RAB8B: variants seen among roughly 807,000 people sequenced by gnomAD.
RAB8B encodes RAB8B, member RAS oncogene family, also known as ras-related protein Rab-8B.
Under a neutral mutation model 32.0 loss-of-function variants are expected in RAB8B, and 11 were observed. That is an observed-to-expected ratio of 0.34 (90% CI 0.22 to 0.57). The LOEUF is 0.57. Among genes scored for constraint, RAB8B ranks in the 20% least tolerant of loss-of-function variants. The pLI is 0.86. For synonymous variants in RAB8B, 103 were observed against 89.6 expected, an observed-to-expected ratio of 1.15 and a Z score of -0.85; for missense variants, 190 against 258.5, an observed-to-expected ratio of 0.73 and a Z score of 1.82.
At chr15:63,202,089 TAAAA>T (rs146981058) in intron 1 of RAB8B, among the ~76,000 whole-genome samples, 1,319 of 85,646 alleles carry the variant, frequency 0.015, 38 homozygotes, top group South Asian at 0.031. Flanking sequence ...CCGTCTCTAC[TAAAA>T]AAAAAAAAAA....
rs138589907 is a variant in RAB8B at position 63,259,665 on chromosome 15, C to T, written c.453C>T (p.Ser151=). Residue 151 remains serine, a synonymous_variant, in exon 6 of 8, where the codon AGC becomes AGT. Coordinates refer to ENST00000321437, the MANE Select transcript of RAB8B (RefSeq NM_016530.3). The surrounding 1 kb of genome is among the most constrained non-coding windows in gnomAD (Gnocchi z 4.4). ...IDYGIKFLET[S]AKSSANVEEA... is the part of the protein sequence containing the mutation. ...ATGGGATTAAATTCTTGGAGACAAG[C>T]GCAAAATCCAGTGCAAATGTAGAAG... The T allele has an allele frequency of 1.4e-4, 227 of 1,613,806 alleles. 1 individual carries two copies. The highest frequency in any genetic ancestry group is 1.7e-4 in the Non-Finnish European group (199 of 1,179,846).
At chr15:63,239,431 G>A (rs368811844) in intron 1 of RAB8B, among the ~76,000 whole-genome samples, 1 of 45,336 alleles carries the variant, frequency 2.2e-5, no homozygotes, top group African/African-American at 8.3e-5. Flanking sequence ...TTTTTTTTTT[G>A]AGACAGAGTC....
chr15:63,191,185 T>G (rs904938304), intron 1 of RAB8B, among the ~76,000 whole-genome samples: 4 of 152,336 alleles, frequency 2.6e-5, no homozygotes, highest in Admixed American at 2.6e-4. Flanking sequence ...TTTCGTATGG[T>G]TCTTACAGCA....
chr15:63,250,325 C>T (rs1259945898), intron 3 of RAB8B, among the ~76,000 whole-genome samples: 1 of 152,038 alleles, frequency 6.6e-6, no homozygotes, highest in East Asian at 1.9e-4. Context: ...AACCACAAGC[C>T]CTATGACTAA....
In RAB8B at chr15:63,214,739, T is replaced by C. The variant is rs539917289; in HGVS notation, c.124+24991T>C. The stretch of plus-strand genomic sequence containing the variant: ...GCAGCAGTTCATTTCTCTTTTTTAA[T>C]GTAACCCTTGAGCTGTGGGGGTTGA... On this transcript the variant is annotated intron_variant, in intron 1 of 7. Coordinates refer to ENST00000321437, the MANE Select transcript of RAB8B (RefSeq NM_016530.3). Among the ~76,000 whole-genome samples the C allele has an allele frequency of 3.9e-5, 6 of 152,342 alleles. No homozygotes were observed. The East Asian group carries it at 1.2e-3, about 29-fold the overall frequency.
intron 1 of RAB8B, among the ~76,000 whole-genome samples, chr15:63,222,008 C>A (rs949699118): frequency 5.3e-5 from 8 of 152,212 alleles, no homozygotes; most frequent in Non-Finnish European, 1.0e-4. Flanking sequence ...AATATTCATT[C>A]TTCCCTGTTT....
intron 1 of RAB8B, among the ~76,000 whole-genome samples, chr15:63,205,290 A>G (rs2037688826): frequency 2.0e-5 from 3 of 152,176 alleles, no homozygotes; most frequent in Admixed American, 2.0e-4. Flanking sequence ...ACAGAGTGAG[A>G]CTCCATCTGT....
chr15:63,210,091 A>G (rs1245069125), intron 1 of RAB8B, among the ~76,000 whole-genome samples: 3 of 152,240 alleles, frequency 2.0e-5, no homozygotes, highest in Non-Finnish European at 2.9e-5. Context: ...TAGACATCTC[A>G]GAGTAGGATT....
At chr15:63,257,716 G>A (rs1009364374) in intron 5 of RAB8B, among the ~76,000 whole-genome samples, 2 of 152,080 alleles carry the variant, frequency 1.3e-5, no homozygotes, top group African/African-American at 4.8e-5. Context: ...AGAAATCAAA[G>A]CATGAATACT....
At chr15:63,238,173 T>C (rs2037999231) in intron 1 of RAB8B, among the ~76,000 whole-genome samples, 1 of 152,066 alleles carries the variant, frequency 6.6e-6, no homozygotes, top group Non-Finnish European at 1.5e-5. Context: ...CTTTTTGACC[T>C]GAAGGATAAT....
intron 1 of RAB8B, among the ~76,000 whole-genome samples, chr15:63,218,249 C>T (rs902403558): frequency 6.6e-5 from 10 of 152,180 alleles, no homozygotes; most frequent in Non-Finnish European, 1.5e-4. Context: ...TCTGTTTCCT[C>T]TTACGTTAAA....
At chr15:63,211,703 T>C (rs2037748158) in intron 1 of RAB8B, among the ~76,000 whole-genome samples, 1 of 152,240 alleles carries the variant, frequency 6.6e-6, no homozygotes, top group South Asian at 2.1e-4. Context: ...AGTATTGTCA[T>C]ATATTGACTG....
At chr15:63,254,047 T>C (rs1277297075) in intron 3 of RAB8B, among the ~76,000 whole-genome samples, 1 of 152,216 alleles carries the variant, frequency 6.6e-6, no homozygotes, top group East Asian at 1.9e-4. Flanking sequence ...CAGCCTCAGC[T>C]TGTGCCCTCC....
chr15:63,254,134 A>G (rs1193235231), intron 3 of RAB8B, among the ~76,000 whole-genome samples: 1 of 152,178 alleles, frequency 6.6e-6, no homozygotes, highest in African/African-American at 2.4e-5. Flanking sequence ...AACATCAGCA[A>G]GAGATTTACA....
intron 3 of RAB8B, among the ~76,000 whole-genome samples, chr15:63,253,763 G>A (rs1012263810): frequency 2.0e-5 from 3 of 152,228 alleles, no homozygotes; most frequent in African/African-American, 7.2e-5. Flanking sequence ...ATAAGGCCAT[G>A]TGTGTGGTAG....
chr15:63,260,105 T>C (rs2038191167), intron 6 of RAB8B, among the ~76,000 whole-genome samples: 1 of 152,208 alleles, frequency 6.6e-6, no homozygotes, highest in African/African-American at 2.4e-5. Context: ...AGTGCTGGAA[T>C]TACAGGCGTG....
rs748944088 is a variant in RAB8B at position 63,189,756 on chromosome 15, A to G, written c.124+8A>G. 8.2e-7 allele frequency: 1 copy of G among 1,223,070 alleles called. No homozygotes were observed. Among genetic ancestry groups the G allele is most frequent in the East Asian group, 5.3e-5 (1 of 18,712 alleles). The allele number at this position is 1,223,070 out of a possible 1,614,324, so 75.8% of individuals were successfully genotyped here. On this transcript the variant is annotated splice_region_variant and intron_variant, in intron 1 of 7. Transcript: ENST00000321437. ...CCTTCATCTCCACCATCGGTGAGGG[A>G]GGGGCCGCGGCCCGGGACCGGGTAG...
intron 1 of RAB8B, among the ~76,000 whole-genome samples, chr15:63,233,055 C>CTTTCTTT (rs1555423014): frequency 7.1e-6 from 1 of 141,516 alleles, no homozygotes; most frequent in African/African-American, 2.6e-5. Flanking sequence ...AAGTAGCATT[C>CTTTCTTT]TTTTTTTTTT....
rs1277170834 is a variant in RAB8B, at chr15:63,267,429, C to A, written c.*3810C>A. The A allele has an allele frequency of 1.3e-5, 2 of 152,336 alleles. No individual in the cohort carries two copies. Among genetic ancestry groups the A allele is most frequent in the Non-Finnish European group, 2.9e-5 (2 of 68,018 alleles). The allele number at this position is 152,336 out of a possible 1,614,324, so 9.4% of individuals were successfully genotyped here. On this transcript the variant is annotated 3_prime_UTR_variant, in exon 8 of 8. Coordinates refer to ENST00000321437, the MANE Select transcript of RAB8B (RefSeq NM_016530.3). ...AGTTATTATAGTTCAATTTTATGGCCTTACAGATGGCTTTTATTTTGTTTG... is the reference window on the plus strand; with the variant it reads ...AGTTATTATAGTTCAATTTTATGGCATTACAGATGGCTTTTATTTTGTTTG...
Sources: allele counts gnomAD v4.1 joint callset (sites outside exome capture counted in the v4.1 genomes callset), GRCh38; gene constraint gnomAD v4.1.1; non-coding constraint Gnocchi (gnomAD v3.1); transcripts MANE v1.5; gene names NCBI Gene and HGNC (gene_info 2026-07-23, HGNC 2026-07-21).